Variants in HERC1 observed in about 807,000 individuals in gnomAD.
HERC1 encodes probable E3 ubiquitin-protein ligase HERC1.
A neutral mutation model predicts 554.3 loss-of-function variants in HERC1; 160 were observed. The ratio of observed to expected loss-of-function variants is 0.29; its 90% CI spans 0.25 to 0.33. The LOEUF is 0.33. Ranked by LOEUF, HERC1 falls within the 10% of genes least tolerant of loss-of-function variation. HERC1 has a pLI of 1.00. For missense variants in HERC1, 4,919 were observed against 5,918.5 expected (o/e 0.83, Z 5.54); for synonymous variants, 2,175 against 2,131.7 (o/e 1.02, Z -0.56).
chr15:63,664,458 A>C lies in HERC1; in HGVS notation c.8680+12T>G. On this transcript the variant is annotated intron_variant, in intron 43 of 77. Transcript: ENST00000443617. ...TCTTTCACAAAGAAAAGGATACGGA[A>C]CATAAAATTACCTGCTCTTGCTAGC... is the stretch of plus-strand genomic sequence containing the variant. 1 of 1,605,404 alleles carries C rather than the reference A, an allele frequency of 6.2e-7. No individual in the cohort carries two copies. Among genetic ancestry groups the C allele is most frequent in the Non-Finnish European group, 8.5e-7 (1 of 1,174,156 alleles).
At chr15:63,645,415 A>G (rs1219767355) in intron 56 of HERC1, 68 bp downstream of exon 56, 3 of 1,182,136 alleles carry the variant, frequency 2.5e-6, no homozygotes, top group Non-Finnish European at 3.6e-6. Context: ...GAGAAGCCAC[A>G]CTTAATGCAG....
At chr15:63,620,244 A>G (rs1302552751) in intron 74 of HERC1, among the ~76,000 whole-genome samples, 3 of 151,980 alleles carry the variant, frequency 2.0e-5, no homozygotes, top group Non-Finnish European at 4.4e-5. Context: ...CCTTCATTTC[A>G]TTATGTACCC....
intron 45 of HERC1, 82 bp downstream of exon 45, chr15:63,661,671 C>A: frequency 7.1e-7 from 1 of 1,416,502 alleles, no homozygotes; most frequent in Non-Finnish European, 9.8e-7. Context: ...TGTAACTCCT[C>A]ACGTGAAAAA....
intron 74 of HERC1, among the ~76,000 whole-genome samples, chr15:63,618,248 T>C (rs1434151662): frequency 6.6e-6 from 1 of 151,990 alleles, no homozygotes; most frequent in African/African-American, 2.4e-5. Context: ...CCCAGCACCA[T>C]TTATTAAATA....
chr15:63,722,636 G>A (rs536528591), intron 19 of HERC1, among the ~76,000 whole-genome samples: 2 of 152,212 alleles, frequency 1.3e-5, no homozygotes, highest in Admixed American at 6.5e-5. Context: ...CTACTGCTGC[G>A]GTATCACAGT....
intron 1 of HERC1, among the ~76,000 whole-genome samples, chr15:63,829,594 T>TATAA (rs1555455841): frequency 1.5e-5 from 2 of 131,472 alleles, no homozygotes; most frequent in African/African-American, 5.8e-5. Flanking sequence ...TATATATATA[T>TATAA]AATATACTGA....
chr15:63,723,326 C>T lies in HERC1; in HGVS notation c.3598G>A (p.Ala1200Thr). 6.3e-7 allele frequency: 1 copy of T among 1,589,132 alleles called. No individual in the cohort carries two copies. The highest frequency in any genetic ancestry group is 2.2e-5 in the East Asian group (1 of 44,458). The change falls in exon 19 of 78, where the codon GCA becomes ACA. Residue 1200 changes from alanine to threonine, a missense_variant. Transcript: ENST00000443617. ...DKCMSCLLEV[A>T]LSGNEEQKPF... ...TTCTGTTCTTCATTTCCAGAAAGTG[C>T]TACTTCTAACAGGCAACTCATACAT...
chr15:63,756,357 C>A lies in HERC1; in HGVS notation c.1533+80G>T, dbSNP rs1244373733. 3.0e-5 allele frequency: 36 copies of A among 1,203,126 alleles called. No individual in the cohort carries two copies. The highest frequency in any genetic ancestry group is 4.7e-6 in the Non-Finnish European group (4 of 843,510). 74.5% of individuals were successfully genotyped at this position (1,203,126 alleles called of 1,614,324 possible). ...GTTGAAGGGGCAACTGCAGAAAGAA[C>A]ACATCAAAATCTGAACGACATTGTC... On this transcript the variant is annotated intron_variant, in intron 5 of 77. Transcript: ENST00000443617. This position sits in a 1 kb window ranked among gnomAD's most constrained non-coding sequence, Gnocchi z 5.0.
intron 74 of HERC1, among the ~76,000 whole-genome samples, chr15:63,620,603 C>G (rs1481663613): frequency 1.3e-5 from 2 of 152,034 alleles, no homozygotes; most frequent in African/African-American, 4.8e-5. Context: ...GTGTTAAAGT[C>G]TCCCATTATT....
chr15:63,612,127 G>A lies in HERC1; in HGVS notation c.14400+124C>T, dbSNP rs2067627933. 4.9e-6 allele frequency: 4 copies of A among 809,260 alleles called. No individual in the cohort carries two copies. The Admixed American group carries it at 1.1e-4, about 23-fold the overall frequency. The allele number at this position is 809,260 out of a possible 1,614,324, so 50.1% of individuals were successfully genotyped here. ...TGCTTGAAGCTAGGAAGCGGAGGTTGCAGTAAGCTAAAATCATGCCACTGC... is the reference window on the plus strand; with the variant it reads ...TGCTTGAAGCTAGGAAGCGGAGGTTACAGTAAGCTAAAATCATGCCACTGC... On this transcript the variant is annotated intron_variant, in intron 77 of 77. Transcript: ENST00000443617. The surrounding 1 kb of genome is among the most constrained non-coding windows in gnomAD (Gnocchi z 5.0).
At chr15:63,744,164 G>GTGTGTGTGTGTGTGTGTGTGTGTGTGTC in intron 12 of HERC1, among the ~76,000 whole-genome samples, 4 of 46,306 alleles carry the variant, frequency 8.6e-5, no homozygotes, top group Non-Finnish European at 1.6e-4. Context: ...GTGTGTGTGT[G>GTGTGTGTGTGTGTGTGTGTGTGTGTGTC]TCTCTCTCTC....
intron 74 of HERC1, among the ~76,000 whole-genome samples, chr15:63,619,199 G>A (rs1401321216): frequency 6.6e-6 from 1 of 152,164 alleles, no homozygotes; most frequent in Non-Finnish European, 1.5e-5. Context: ...AGAGTTTTTA[G>A]CATGAAGCGT....
intron 2 of HERC1, among the ~76,000 whole-genome samples, chr15:63,770,216 C>T (rs549057454): frequency 3.3e-5 from 5 of 152,270 alleles, no homozygotes; most frequent in African/African-American, 1.2e-4. Context: ...GCTCCCCTGA[C>T]ACACACACCT....
At chr15:63,730,798 G>C (rs940454017) in intron 14 of HERC1, among the ~76,000 whole-genome samples, 1 of 152,174 alleles carries the variant, frequency 6.6e-6, no homozygotes. Context: ...GAAGAGCACA[G>C]GGGAATTCTT....
At chr15:63,801,851 G>A (rs1261013009) in intron 1 of HERC1, among the ~76,000 whole-genome samples, 1 of 152,034 alleles carries the variant, frequency 6.6e-6, no homozygotes, top group East Asian at 1.9e-4. Flanking sequence ...AACTCCCAAG[G>A]CTTTTACCTA....
At chr15:63,651,131 G>C in intron 53 of HERC1, 122 bp downstream of exon 53, 1 of 815,178 alleles carries the variant, frequency 1.2e-6, no homozygotes, top group Non-Finnish European at 1.9e-6. Flanking sequence ...TGAAATTTCA[G>C]AGTTGTTGGA....
At chr15:63,706,871 GA>G in intron 24 of HERC1, 40 bp from the exon 25 acceptor site, 1 of 1,291,532 alleles carries the variant, frequency 7.7e-7, no homozygotes, top group Non-Finnish European at 1.1e-6. Context: ...ATTTAGTTGT[GA>G]AAAGTATTTT....
intron 1 of HERC1, among the ~76,000 whole-genome samples, chr15:63,821,204 T>C (rs566643008): frequency 3.7e-4 from 56 of 152,162 alleles, no homozygotes; most frequent in African/African-American, 1.3e-3. Flanking sequence ...AGAGGATCAC[T>C]TGAACCCAGG....
chr15:63,637,005 G>A (rs539906319), intron 64 of HERC1: 354 of 388,300 alleles, frequency 9.1e-4, no homozygotes, highest in Admixed American at 2.8e-3. Context: ...AACCGTCGGT[G>A]CTCTCTTTGT....
Sources: allele counts gnomAD v4.1 joint callset (sites outside exome capture counted in the v4.1 genomes callset), GRCh38; gene constraint gnomAD v4.1.1; non-coding constraint Gnocchi (gnomAD v3.1); transcripts MANE v1.5; gene names NCBI Gene and HGNC (gene_info 2026-07-23, HGNC 2026-07-21).